Variants in KAZN observed in about 807,000 individuals in gnomAD.
KAZN encodes kazrin.
Under a neutral mutation model 87.4 loss-of-function variants are expected in KAZN, and 40 were observed. The observed-to-expected ratio is 0.46, with a 90% CI of 0.36 to 0.60. The LOEUF (loss-of-function observed/expected upper bound fraction) is 0.60. Among genes scored for constraint, KAZN ranks in the 20% least tolerant of loss-of-function variants. KAZN has a pLI of 0.00. For missense variants in KAZN, 898 were observed against 1,073.9 expected (o/e 0.84, Z 2.29); for synonymous variants, 466 against 458.3 (o/e 1.02, Z -0.22).
chr1:14,386,336 G>T (rs933824727), intron 2 of KAZN, among the ~76,000 whole-genome samples: 3 of 148,402 alleles, frequency 2.0e-5, no homozygotes, highest in African/African-American at 7.4e-5. Context: ...ATTGTTATGT[G>T]TGAATTTGAT....
chr1:14,160,782 G>A lies in KAZN; in HGVS notation c.92-19653G>A, dbSNP rs370135454. ...TTATCTCTCTATTCTCATGTAGGAT[G>A]TATGCCTATATTATCCTTGGTAGGT... On this transcript the variant is annotated intron_variant, in intron 1 of 16. Transcript: ENST00000636203. Among the ~76,000 whole-genome samples the A allele has an allele frequency of 3.9e-4, 60 of 152,310 alleles. 1 individual carries two copies. The South Asian group carries it at 0.012, about 29-fold the overall frequency.
intron 1 of KAZN, among the ~76,000 whole-genome samples, chr1:13,938,160 G>A (rs1197588843): frequency 6.6e-6 from 1 of 152,198 alleles, no homozygotes; most frequent in Non-Finnish European, 1.5e-5. Context: ...TCCAATCCAT[G>A]AGCATGGAAG....
chr1:14,305,859 A>G (rs536395254), intron 2 of KAZN, among the ~76,000 whole-genome samples: 1 of 152,242 alleles, frequency 6.6e-6, no homozygotes, highest in African/African-American at 2.4e-5. Context: ...CTCTGCTCTA[A>G]GAAAAATGCA....
intron 2 of KAZN, among the ~76,000 whole-genome samples, chr1:14,263,861 C>T (rs1179199209): frequency 6.6e-6 from 1 of 152,248 alleles, no homozygotes; most frequent in Non-Finnish European, 1.5e-5. Context: ...TGATTTATCA[C>T]CATCTTTGAA....
At chr1:13,983,351 C>T (rs143082805) in intron 1 of KAZN, among the ~76,000 whole-genome samples, 3,112 of 152,352 alleles carry the variant, frequency 0.02, 50 homozygotes, top group South Asian at 0.066. Flanking sequence ...AGCGCAGTGC[C>T]GGTGGGCTGG....
chr1:14,901,071 T>G (rs778733963), intron 1 of KAZN, among the ~76,000 whole-genome samples: 99 of 152,224 alleles, frequency 6.5e-4, no homozygotes, highest in Middle Eastern at 6.8e-3. Context: ...TACTGTGTGG[T>G]AGGGAGAGAC....
intron 1 of KAZN, among the ~76,000 whole-genome samples, chr1:14,095,763 G>A (rs1172546258): frequency 6.6e-6 from 1 of 152,096 alleles, no homozygotes; most frequent in African/African-American, 2.4e-5. Context: ...GGTTCCCAGG[G>A]TGAATGTTCC....
At chr1:14,472,196 A>G (rs998749336) in intron 2 of KAZN, among the ~76,000 whole-genome samples, 11 of 152,160 alleles carry the variant, frequency 7.2e-5, no homozygotes, top group African/African-American at 2.7e-4. Flanking sequence ...GAAAGGCCCC[A>G]CCTGTACTAC....
At chr1:14,767,357 GAAC>G (rs1487306184) in intron 1 of KAZN, among the ~76,000 whole-genome samples, 2 of 152,196 alleles carry the variant, frequency 1.3e-5, no homozygotes, top group Non-Finnish European at 2.9e-5. Context: ...CACAGCTGCA[GAAC>G]AACAGGTCAT....
intron 2 of KAZN, among the ~76,000 whole-genome samples, chr1:14,473,892 G>T (rs763270235): frequency 6.6e-6 from 1 of 152,130 alleles, no homozygotes; most frequent in Non-Finnish European, 1.5e-5. Flanking sequence ...ATTCTCCTCA[G>T]CTCAAATGCT....
intron 1 of KAZN, among the ~76,000 whole-genome samples, chr1:14,875,827 G>T (rs1019315543): frequency 7.2e-5 from 11 of 152,222 alleles, no homozygotes; most frequent in Admixed American, 5.9e-4. Context: ...TCAAGAAAGA[G>T]GTTTTCTGAG....
intron 1 of KAZN, among the ~76,000 whole-genome samples, chr1:14,017,157 CT>C (rs1204203700): frequency 1.3e-5 from 2 of 152,140 alleles, no homozygotes; most frequent in Non-Finnish European, 2.9e-5. Flanking sequence ...ATTCCTTCTG[CT>C]TTTTCTCAAT....
intron 2 of KAZN, among the ~76,000 whole-genome samples, chr1:14,194,411 C>T (rs1557551236): frequency 6.6e-6 from 1 of 152,130 alleles, no homozygotes; most frequent in African/African-American, 2.4e-5. Flanking sequence ...ATTCCTCTCC[C>T]AGGACTTTTC....
intron 1 of KAZN, among the ~76,000 whole-genome samples, chr1:14,885,328 A>G (rs2690024): frequency 6.6e-6 from 1 of 151,790 alleles, no homozygotes; most frequent in East Asian, 1.9e-4. Flanking sequence ...TGCCTGCTGA[A>G]CATTGCAGCT....
chr1:14,510,011 C>G (rs1384353918), intron 2 of KAZN, among the ~76,000 whole-genome samples: 4 of 152,108 alleles, frequency 2.6e-5, no homozygotes, highest in African/African-American at 9.7e-5. Flanking sequence ...GGGCAAGTTA[C>G]AGGGACACAA....
intron 8 of KAZN, 35 bp downstream of exon 8, chr1:15,065,788 G>A (rs763125536): frequency 1.9e-5 from 30 of 1,610,862 alleles, no homozygotes; most frequent in Admixed American, 6.7e-5. Context: ...AGGAGGACGC[G>A]GACTGGTGAT....
At chr1:13,910,538 A>C (rs6429803) in intron 1 of KAZN, among the ~76,000 whole-genome samples, 67,618 of 150,366 alleles carry the variant, frequency 0.45, 15,415 homozygotes, top group East Asian at 0.69. Flanking sequence ...CACCTCCCCC[A>C]CCTTGCTCCT....
chr1:15,000,189 C>T (rs1438717961), intron 2 of KAZN, among the ~76,000 whole-genome samples: 1 of 149,326 alleles, frequency 6.7e-6, no homozygotes, highest in Non-Finnish European at 1.5e-5. Flanking sequence ...CTGAAGGTGC[C>T]CTGTTGCTGA....
At chr1:14,449,775 C>T (rs996291795) in intron 2 of KAZN, among the ~76,000 whole-genome samples, 8 of 152,084 alleles carry the variant, frequency 5.3e-5, no homozygotes, top group South Asian at 2.1e-4. Flanking sequence ...AGGGATCATC[C>T]GGTTTGCTGC....
Sources: allele counts gnomAD v4.1 joint callset (sites outside exome capture counted in the v4.1 genomes callset), GRCh38; gene constraint gnomAD v4.1.1; transcripts MANE v1.5; gene names NCBI Gene and HGNC (gene_info 2026-07-23, HGNC 2026-07-21).